IAPP: variants seen among roughly 807,000 people sequenced by gnomAD.
IAPP encodes the protein Islet amyloid polypeptide (diabetes-associated peptide; amylin).
IAPP carries 4 observed loss-of-function variants against 2.9 expected under a neutral mutation model. The ratio of observed to expected loss-of-function variants is 1.39; its 90% CI spans 0.69 to 3.19. IAPP has a LOEUF of 3.19. IAPP is among the 30% of genes most tolerant of loss of function. The pLI is 0.01. For missense variants in IAPP, 114 were observed against 105.3 expected (o/e 1.08, Z -0.36); for synonymous variants, 40 against 42.1 (o/e 0.95, Z 0.19).
At chr12:21,357,691 G>A (rs543584383) in intron 1 of IAPP, among the ~76,000 whole-genome samples, 9 of 152,174 alleles carry the variant, frequency 5.9e-5, no homozygotes, top group East Asian at 1.9e-4. Context: ...CTAACTCAGC[G>A]ATTATTTTTC....
upstream of IAPP, among the ~76,000 whole-genome samples, chr12:21,372,353 T>C (rs1448977719): frequency 2.0e-5 from 3 of 152,222 alleles, no homozygotes; most frequent in Admixed American, 2.0e-4. Flanking sequence ...CTCTGGTACC[T>C]AGAATAATCC....
chr12:21,369,705 C>T (rs1045427148), upstream of IAPP, among the ~76,000 whole-genome samples: 7 of 152,134 alleles, frequency 4.6e-5, no homozygotes, highest in Admixed American at 1.3e-4. Flanking sequence ...AGAGTGGATC[C>T]AAGGTGGGGC....
intron 1 of IAPP, among the ~76,000 whole-genome samples, chr12:21,366,898 G>T: frequency 6.6e-6 from 1 of 151,918 alleles, no homozygotes; most frequent in Non-Finnish European, 1.5e-5. Context: ...AAAGCGTTTT[G>T]GGAGAGGAAA....
intron 1 of IAPP, among the ~76,000 whole-genome samples, chr12:21,366,807 G>T (rs1285357091): frequency 6.6e-6 from 1 of 151,390 alleles, no homozygotes; most frequent in Non-Finnish European, 1.5e-5. Context: ...TGGAAAAGTT[G>T]GTAGATTAGG....
chr12:21,357,468 C>A (rs572809769), intron 1 of IAPP, among the ~76,000 whole-genome samples: 14 of 152,354 alleles, frequency 9.2e-5, no homozygotes, highest in African/African-American at 2.6e-4. Context: ...GCCTCCAGAA[C>A]TGTGAAACTA....
chr12:21,363,239 A>T (rs972610332), intron 1 of IAPP, among the ~76,000 whole-genome samples: 22 of 152,246 alleles, frequency 1.4e-4, no homozygotes, highest in African/African-American at 3.9e-4. Flanking sequence ...GGATTAAGAA[A>T]CTCACTCAAA....
rs919255348 is a variant in IAPP at position 21,379,850 on chromosome 12, T to C, written c.*1424T>C. On this transcript the variant is annotated 3_prime_UTR_variant, in exon 3 of 3. Transcript: ENST00000240652. ...ATGAAGTGTGCCTTAGGTTACCAAA[T>C]TGTAGAGGCTTTCGTTGGTGGTGGT... 3.3e-5 allele frequency: 5 copies of C among 152,182 alleles called. No homozygotes were observed. The highest frequency in any genetic ancestry group is 3.3e-4 in the Admixed American group (5 of 15,276). 9.4% of individuals were successfully genotyped at this position (152,182 alleles called of 1,614,324 possible). A position where few individuals can be genotyped will look rare whatever the true frequency, so the allele number is the denominator to read the frequency against.
At chr12:21,372,255 T>G (rs1484076951), upstream of IAPP, among the ~76,000 whole-genome samples, 4 of 152,176 alleles carry the variant, frequency 2.6e-5, no homozygotes, top group Non-Finnish European at 5.9e-5. Context: ...CCTATGGATC[T>G]CTATCTAAGT....
intron 1 of IAPP, 142 bp from the exon 2 acceptor site, chr12:21,373,195 G>A (rs986379916): frequency 3.0e-6 from 2 of 660,852 alleles, no homozygotes; most frequent in Non-Finnish European, 5.4e-6. Context: ...CAATATTAAG[G>A]GACTGTATCA....
chr12:21,364,521 C>T (rs1444461338), intron 1 of IAPP, among the ~76,000 whole-genome samples: 1 of 152,130 alleles, frequency 6.6e-6, no homozygotes, highest in Non-Finnish European at 1.5e-5. Context: ...CACTCCTATT[C>T]AACATAGTGT....
In IAPP at chr12:21,361,127, G is replaced by A. The variant is rs564392799; in HGVS notation, c.-16+6114G>A. Among the ~76,000 whole-genome samples the A allele has an allele frequency of 5.3e-5, 8 of 151,794 alleles. No individual in the cohort carries two copies. In the East Asian group the frequency reaches 1.2e-3, roughly 22 times the overall value. On this transcript the variant is annotated intron_variant, in intron 1 of 2. Transcript: ENST00000539393. ...GACCCCTGAGTAGCCTAACTGGGAG[G>A]CACCTCCCAGTAGGGGCCGACAGAC...
At position 21,378,391 on chromosome 12, in the gene IAPP, T is replaced by G; in HGVS notation, c.235T>G (p.Leu79Val). ...TGGCAAGAGGAATGCAGTAGAGGTT[T>G]TAAAGAGAGAGCCACTGAATTACTT... is the stretch of plus-strand genomic sequence containing the variant. ...TYGKRNAVEV[L>V]KREPLNYLPL The change falls in exon 3 of 3, where the codon TTA becomes GTA. Residue 79 changes from leucine (L) to valine (V), a missense_variant. Physicochemically the swap from Leu to Val is conservative, Grantham distance 32. Coordinates refer to ENST00000240652, the MANE Select transcript of IAPP (RefSeq NM_000415.3). 9 of 1,614,128 alleles carry G rather than the reference T, an allele frequency of 5.6e-6. No individual in the cohort carries two copies. Among genetic ancestry groups the G allele is most frequent in the Non-Finnish European group, 7.6e-6 (9 of 1,179,972 alleles).
At chr12:21,368,960 G>C (rs1939590186), upstream of IAPP, among the ~76,000 whole-genome samples, 1 of 151,974 alleles carries the variant, frequency 6.6e-6, no homozygotes, top group South Asian at 2.1e-4. Flanking sequence ...AAATATTTTT[G>C]AAATGTAGAA....
chr12:21,373,797 T>C (rs1939983119), intron 2 of IAPP: 1 of 653,168 alleles, frequency 1.5e-6, no homozygotes, highest in South Asian at 1.7e-5. Context: ...CTAAAGCATA[T>C]ATTTTTATAC....
At chr12:21,365,220 T>A (rs527903872) in intron 1 of IAPP, among the ~76,000 whole-genome samples, 64 of 152,120 alleles carry the variant, frequency 4.2e-4, no homozygotes, top group Non-Finnish European at 7.4e-4. Context: ...TGGAACAGAA[T>A]AGAGCCCTCA....
chr12:21,370,369 T>C (rs566920459), upstream of IAPP, among the ~76,000 whole-genome samples: 6 of 152,184 alleles, frequency 3.9e-5, no homozygotes, highest in South Asian at 1.2e-3. Context: ...AGGGTACATG[T>C]GCATAACGTG....
At chr12:21,357,245 A>T (rs1938440449) in intron 1 of IAPP, among the ~76,000 whole-genome samples, 1 of 152,086 alleles carries the variant, frequency 6.6e-6, no homozygotes, top group Non-Finnish European at 1.5e-5. Context: ...TTGAGACCCT[A>T]GTATAATATA....
At chr12:21,368,947 A>G (rs1370571146), upstream of IAPP, among the ~76,000 whole-genome samples, 1 of 152,142 alleles carries the variant, frequency 6.6e-6, no homozygotes, top group East Asian at 1.9e-4. Context: ...TGTCCAGAGA[A>G]GTAAATATTT....
intron 1 of IAPP, among the ~76,000 whole-genome samples, chr12:21,355,437 A>T (rs1938289380): frequency 2.0e-5 from 3 of 152,220 alleles, no homozygotes; most frequent in African/African-American, 7.2e-5. Context: ...AAATCTGAGC[A>T]GAGAGCCATG....
Sources: allele counts gnomAD v4.1 joint callset (sites outside exome capture counted in the v4.1 genomes callset), GRCh38; gene constraint gnomAD v4.1.1; transcripts MANE v1.5; gene names NCBI Gene and HGNC (gene_info 2026-07-23, HGNC 2026-07-21).